Variants in MACC1 observed in about 807,000 individuals in gnomAD.
MACC1 encodes the protein metastasis-associated in colon cancer protein 1.
Under a neutral mutation model 70.7 loss-of-function variants are expected in MACC1, and 79 were observed. The observed-to-expected ratio is 1.12, with a 90% confidence interval of 0.93 to 1.35. The LOEUF is 1.35. Among genes scored for constraint, MACC1 ranks in the 40% most tolerant of loss-of-function variants. The pLI is 0.00. For synonymous variants in MACC1, 361 were observed against 347.2 expected, an observed-to-expected ratio of 1.04 and a Z score of -0.44; for missense variants, 1,106 against 978.1, an observed-to-expected ratio of 1.13 and a Z score of -1.74.
intron 1 of MACC1, among the ~76,000 whole-genome samples, chr7:20,179,952 G>C (rs1211618138): frequency 6.6e-6 from 1 of 151,994 alleles, no homozygotes; most frequent in African/African-American, 2.4e-5. Context: ...CTGTGCTTTG[G>C]GGCCCAGACA....
At chr7:20,169,561 T>C (rs1374142936) in intron 2 of MACC1, among the ~76,000 whole-genome samples, 1 of 152,222 alleles carries the variant, frequency 6.6e-6, no homozygotes, top group Non-Finnish European at 1.5e-5. Flanking sequence ...GCTCCACTGC[T>C]TCCTAGAACA....
At chr7:20,149,471 G>C (rs936038604) in intron 6 of MACC1, among the ~76,000 whole-genome samples, 2 of 152,150 alleles carry the variant, frequency 1.3e-5, no homozygotes, top group Non-Finnish European at 2.9e-5. Flanking sequence ...GAGTAAGATA[G>C]TATTATTCTC....
chr7:20,194,505 G>A (rs374431344), intron 1 of MACC1, among the ~76,000 whole-genome samples: 16 of 152,154 alleles, frequency 1.1e-4, no homozygotes, highest in African/African-American at 2.7e-4. Flanking sequence ...AGGAGGCTTC[G>A]CTCCTTTCAT....
rs1212916018 is a variant in MACC1, at chr7:20,140,021, A to G, written c.*925T>C. 1 of 152,190 alleles carries G rather than the reference A, an allele frequency of 6.6e-6. No individual in the cohort carries two copies. The highest frequency in any genetic ancestry group is 2.4e-5 in the African/African-American group (1 of 41,446). The allele number at this position is 152,190 out of a possible 1,614,324, so 9.4% of individuals were successfully genotyped here. On this transcript the variant is annotated 3_prime_UTR_variant, in exon 7 of 7. Transcript: ENST00000400331. ...TCCAAGAGCTAAAGAACTATTTTAC[A>G]TTACAATCCTGCAGAAAAAGTCCCA...
At chr7:20,211,040 T>C (rs1432495373) in intron 1 of MACC1, among the ~76,000 whole-genome samples, 1 of 151,996 alleles carries the variant, frequency 6.6e-6, no homozygotes, top group African/African-American at 2.4e-5. Context: ...ATGTATGCTC[T>C]TTTGATATTA....
chr7:20,171,834 G>A (rs939627521), intron 1 of MACC1, among the ~76,000 whole-genome samples: 5 of 152,026 alleles, frequency 3.3e-5, no homozygotes, highest in Non-Finnish European at 5.9e-5. Context: ...TGCCCACCTC[G>A]GCCTCACAGA....
intron 6 of MACC1, among the ~76,000 whole-genome samples, chr7:20,152,405 G>C (rs917458563): frequency 6.6e-6 from 1 of 152,026 alleles, no homozygotes; most frequent in Non-Finnish European, 1.5e-5. Flanking sequence ...CTCCCAAAGA[G>C]AAAAATTATA....
chr7:20,156,978 T>A (rs994832283), intron 5 of MACC1, among the ~76,000 whole-genome samples: 4 of 152,150 alleles, frequency 2.6e-5, no homozygotes, highest in Non-Finnish European at 5.9e-5. Context: ...ATACAAACAT[T>A]TTTATACACA....
At chr7:20,167,076 T>C (rs1377778126) in intron 2 of MACC1, among the ~76,000 whole-genome samples, 1 of 152,186 alleles carries the variant, frequency 6.6e-6, no homozygotes, top group Non-Finnish European at 1.5e-5. Context: ...TCATAAGAGC[T>C]ATTATTCATT....
chr7:20,161,716 G>T, intron 4 of MACC1, 32 bp downstream of exon 4: 2 of 1,339,580 alleles, frequency 1.5e-6, no homozygotes, highest in South Asian at 2.4e-5. Flanking sequence ...ATACTTACAT[G>T]GACAAATCAC....
At chr7:20,157,157 T>C (rs138797875) in intron 5 of MACC1, among the ~76,000 whole-genome samples, 1 of 152,200 alleles carries the variant, frequency 6.6e-6, no homozygotes, top group Non-Finnish European at 1.5e-5. Context: ...CTAGCTATAC[T>C]TACCCCATAG....
rs373369184 is a variant in MACC1, at chr7:20,141,099, G to C, written c.2406C>G (p.Asn802Lys). ...GAAGGTCTTGTAACACATCTCTGTA[G>C]TTATTTCCATAGTGAGCACTCCAGG... ...LYTWSAHYGN[N>K]YRDVLQDLQS... The change falls in exon 7 of 7, where the codon AAC becomes AAG. Residue 802 changes from asparagine (N) to lysine (K), a missense_variant. Transcript: ENST00000400331. 119 of 1,612,882 alleles carry C rather than the reference G, an allele frequency of 7.4e-5. No individual in the cohort carries two copies. Among genetic ancestry groups the C allele is most frequent in the Non-Finnish European group, 9.3e-5 (110 of 1,179,650 alleles).
chr7:20,214,403 A>G (rs1279107756), intron 1 of MACC1, among the ~76,000 whole-genome samples: 4 of 152,002 alleles, frequency 2.6e-5, no homozygotes, highest in African/African-American at 7.3e-5. Flanking sequence ...GTGTTTCCCA[A>G]ACTTCACTCA....
chr7:20,159,519 T>C lies in MACC1; in HGVS notation c.842A>G (p.Asn281Ser), dbSNP rs1319354840. 5 of 1,614,146 alleles carry C rather than the reference T, an allele frequency of 3.1e-6. No homozygotes were observed. The highest frequency in any genetic ancestry group is 2.2e-5 in the East Asian group (1 of 44,882). ...CTCCAGCAAAAGGGCTTCCATTGTA[T>C]TGAGGTTGCCTAACATGATTTCCAA... is the stretch of plus-strand genomic sequence containing the variant. ...PLLEIMLGNL[N>S]TMEALLLEMK... Residue 281 changes from asparagine to serine, a missense_variant, in exon 5 of 7, where the codon AAT (asparagine) becomes AGT (serine). Asn to Ser is a conservative substitution (Grantham distance 46). Coordinates refer to ENST00000400331, the MANE Select transcript of MACC1 (RefSeq NM_182762.4).
intron 2 of MACC1, among the ~76,000 whole-genome samples, chr7:20,168,676 G>A (rs1354868496): frequency 2.0e-5 from 3 of 152,158 alleles, no homozygotes; most frequent in Non-Finnish European, 4.4e-5. Context: ...CAAGTCAGGT[G>A]GAGAAGAGTG....
intron 1 of MACC1, among the ~76,000 whole-genome samples, chr7:20,210,732 T>C (rs1341574352): frequency 6.6e-6 from 1 of 152,232 alleles, no homozygotes; most frequent in Admixed American, 6.5e-5. Flanking sequence ...TGTTCACTGC[T>C]ATATCCCACA....
Position 20,158,160 on chromosome 7 carries a change from C to T in MACC1, c.2157+44G>A, listed in dbSNP as rs757189740. ...AGTTATAAATATTGTCAAGTTAATA[C>T]AATTCTCGATGGCAATTCATTACCA... On this transcript the variant is annotated intron_variant, in intron 5 of 6. Transcript: ENST00000400331. The T allele has an allele frequency of 3.3e-6, 5 of 1,520,530 alleles. No homozygotes were observed. In the East Asian group the frequency reaches 6.8e-5, roughly 21 times the overall value. The allele number at this position is 1,520,530 out of a possible 1,614,324, so 94.2% of individuals were successfully genotyped here.
Position 20,138,152 on chromosome 7 carries a change from C to CAAAAAAA in MACC1, c.*2787_*2793dup, listed in dbSNP as rs535703374. The CAAAAAAA allele has an allele frequency of 5.9e-5, 4 of 67,870 alleles. No homozygotes were observed. The highest frequency in any genetic ancestry group is 1.8e-4 in the African/African-American group (4 of 22,160). 4.2% of individuals were successfully genotyped at this position (67,870 alleles called of 1,614,324 possible). A position where few individuals can be genotyped will look rare whatever the true frequency, so the allele number is the denominator to read the frequency against. ...TGGGCAACAGAGCCAGACTCTGGCT[C>CAAAAAAA]AAAAAAAAAAAAAAAAAAAAAAAAA... is the stretch of plus-strand genomic sequence containing the variant. On this transcript the variant is annotated 3_prime_UTR_variant, in exon 7 of 7. Coordinates refer to ENST00000400331, the MANE Select transcript of MACC1 (RefSeq NM_182762.4).
chr7:20,202,509 A>G (rs1019623848), intron 1 of MACC1, among the ~76,000 whole-genome samples: 1 of 152,212 alleles, frequency 6.6e-6, no homozygotes, highest in African/African-American at 2.4e-5. Context: ...AACCTGATCG[A>G]GCTTCTAAAA....
Sources: gnomAD v4.1 joint callset for allele counts (sites outside exome capture counted in the v4.1 genomes callset) on GRCh38, gnomAD v4.1.1 for gene constraint, MANE v1.5 for transcripts, NCBI Gene and HGNC (gene_info 2026-07-23, HGNC 2026-07-21) for gene names.